Variants in KANSL1 observed in about 807,000 individuals in gnomAD.
KANSL1 encodes the protein MLL1/MLL complex subunit KANSL1.
In KANSL1, 22 loss-of-function variants were observed where a neutral mutation model predicts 103.6. That is an observed-to-expected ratio of 0.21 (90% CI 0.15 to 0.30). KANSL1 has a LOEUF of 0.30. Among genes scored for constraint, KANSL1 ranks in the 10% least tolerant of loss-of-function variants. The probability of loss-of-function intolerance (pLI) is 1.00; values close to 1 mark genes in which losing one functional copy is unlikely to be tolerated. For missense variants in KANSL1, 1,337 were observed against 1,399.8 expected (o/e 0.96, Z 0.72); for synonymous variants, 600 against 527.6 (o/e 1.14, Z -1.88).
intron 4 of KANSL1, among the ~76,000 whole-genome samples, chr17:46,080,616 A>T (rs62060850): frequency 0.14 from 21,759 of 152,152 alleles, 2,110 homozygotes; most frequent in Non-Finnish European, 0.22. Context: ...TGGCATTTTA[A>T]AAATTTAAGT....
At chr17:46,212,870 A>G (rs1229047538) in intron 1 of KANSL1, among the ~76,000 whole-genome samples, 3 of 152,228 alleles carry the variant, frequency 2.0e-5, no homozygotes, top group Non-Finnish European at 4.4e-5. Context: ...TGTAAATCTG[A>G]TAGGTTAAAA....
chr17:46,048,680 CCA>C (rs2077599141), intron 7 of KANSL1, among the ~76,000 whole-genome samples: 1 of 152,168 alleles, frequency 6.6e-6, no homozygotes, highest in Admixed American at 6.5e-5. Context: ...TGAAACCAAT[CCA>C]GATTATGAAA....
At chr17:46,189,937 G>A (rs574418356) in intron 1 of KANSL1, among the ~76,000 whole-genome samples, 84 of 147,972 alleles carry the variant, frequency 5.7e-4, no homozygotes, top group African/African-American at 2.1e-3. Flanking sequence ...TTGCTTGCCT[G>A]ATATAACAAG....
At chr17:46,165,064 G>A (rs975621556) in intron 2 of KANSL1, among the ~76,000 whole-genome samples, 6 of 152,152 alleles carry the variant, frequency 3.9e-5, no homozygotes, top group Non-Finnish European at 7.3e-5. Context: ...CTGACATCAC[G>A]CCACTGCACT....
At position 46,125,050 on chromosome 17, in the gene KANSL1, GGGAGGGA is replaced by G. The variant is rs1258394731; in HGVS notation, c.1290-30356_1290-30350del. Among the ~76,000 whole-genome samples, 22 of 71,026 alleles carry G rather than the reference GGGAGGGA, an allele frequency of 3.1e-4. 1 individual carries two copies. Among genetic ancestry groups the G allele is most frequent in the Non-Finnish European group, 5.1e-4 (17 of 33,346 alleles). 46.6% of individuals were successfully genotyped at this position (71,026 alleles called of 152,430 possible). A position where few individuals can be genotyped will look rare whatever the true frequency, so the allele number is the denominator to read the frequency against. On this transcript the variant is annotated intron_variant, in intron 2 of 14. Transcript: ENST00000432791. ...AGGGGAGGTAGGGAGGGAGGGAGGA[GGGAGGGA>G]GGAGGGAGGGAGGAGGGAGGGAGGG...
chr17:46,195,186 C>T (rs17663792), upstream of KANSL1, among the ~76,000 whole-genome samples: 21,956 of 152,148 alleles, frequency 0.14, 2,138 homozygotes, highest in Non-Finnish European at 0.22. Flanking sequence ...TCTGAGGCTC[C>T]TGAAATCTAA....
intron 1 of KANSL1, among the ~76,000 whole-genome samples, chr17:46,186,951 G>T (rs531517580): frequency 2.0e-5 from 3 of 151,986 alleles, no homozygotes; most frequent in East Asian, 1.9e-4. Context: ...AGCCAGGCTG[G>T]TCTCAAACTC....
At position 46,171,815 on chromosome 17, in the gene KANSL1, G is replaced by C. The variant is rs2046306000; in HGVS notation, c.329C>G (p.Ser110Cys). The stretch of plus-strand genomic sequence containing the variant: ...ATAGGACTGAGATAAGAGAGGATGA[G>C]ATTTAAGGACTGTCTGCTTGCTGAA... ...GVFSKQTVLKSHPLLSQSYEL... is the reference protein window; with the variant it reads ...GVFSKQTVLKCHPLLSQSYEL... Residue 110 changes from serine to cysteine, a missense_variant, in exon 2 of 15, where the codon TCT (serine) becomes TGT (cysteine). Around this residue, in one of 2 missense-constraint regions of KANSL1, gnomAD observed 557 missense variants for 476.4 expected, o/e 1.17. Transcript: ENST00000432791. 1 of 1,614,154 alleles carries C rather than the reference G, an allele frequency of 6.2e-7. No individual in the cohort carries two copies. Among genetic ancestry groups the C allele is most frequent in the Non-Finnish European group, 8.5e-7 (1 of 1,180,006 alleles).
In KANSL1 at chr17:46,082,451, G is replaced by T. The variant is rs375555532; in HGVS notation, c.1523C>A (p.Thr508Asn). The change falls in exon 4 of 15, where the codon ACT (threonine) becomes AAT (asparagine). Residue 508 changes from threonine to asparagine, a missense_variant. Thr to Asn is a moderately conservative substitution (Grantham distance 65). Transcript: ENST00000432791. Reference protein sequence around the residue: ...LSSEVKTDHGTDKLIESVSQP... With the variant: ...LSSEVKTDHGNDKLIESVSQP... ...ATCTTTTATACTTACCAATTTATCAGTCCCATGATCTGTCTTCACCTCAGA... is the reference window on the plus strand; with the variant it reads ...ATCTTTTATACTTACCAATTTATCATTCCCATGATCTGTCTTCACCTCAGA... The T allele has an allele frequency of 3.1e-6, 5 of 1,604,626 alleles. No individual in the cohort carries two copies. The African/African-American group carries it at 6.7e-5, about 21-fold the overall frequency.
At chr17:46,172,968 T>C (rs567593269) in intron 1 of KANSL1, among the ~76,000 whole-genome samples, 1 of 152,330 alleles carries the variant, frequency 6.6e-6, no homozygotes, top group African/African-American at 2.4e-5. Context: ...CTAAGAATAG[T>C]ATAAATAACT....
At chr17:46,032,965 G>A (rs1038007483) in intron 13 of KANSL1, 115 bp downstream of exon 13, 1 of 738,032 alleles carries the variant, frequency 1.4e-6, no homozygotes, top group African/African-American at 1.8e-5. Context: ...ACTGCCAGTA[G>A]ATGAGTATGA....
chr17:46,123,501 CA>C (rs1406523964), intron 2 of KANSL1, among the ~76,000 whole-genome samples: 7 of 152,176 alleles, frequency 4.6e-5, no homozygotes, highest in Non-Finnish European at 1.0e-4. Flanking sequence ...CTTGTAAATG[CA>C]AAAGTTCTTG....
At chr17:46,089,820 T>C (rs2079313555) in intron 3 of KANSL1, among the ~76,000 whole-genome samples, 1 of 152,218 alleles carries the variant, frequency 6.6e-6, no homozygotes. Flanking sequence ...AAATCGTGAA[T>C]GAGAGTAAAA....
At chr17:46,148,899 T>TAAAAA (rs202016754) in intron 2 of KANSL1, among the ~76,000 whole-genome samples, 14 of 138,874 alleles carry the variant, frequency 1.0e-4, no homozygotes, top group South Asian at 2.2e-4. Flanking sequence ...TGCTTACACT[T>TAAAAA]AAAAAAAAAA....
intron 4 of KANSL1, among the ~76,000 whole-genome samples, chr17:46,069,650 C>A (rs1205008991): frequency 6.6e-6 from 1 of 152,048 alleles, no homozygotes; most frequent in Non-Finnish European, 1.5e-5. Context: ...GAGGCTGAGG[C>A]ACAAGAATCA....
intron 1 of KANSL1, among the ~76,000 whole-genome samples, chr17:46,212,970 C>T (rs1473395365): frequency 2.0e-5 from 3 of 152,228 alleles, no homozygotes; most frequent in African/African-American, 4.8e-5. Context: ...GTATTTCTTC[C>T]TTATGAACTC....
At chr17:46,130,212 A>AAAAAAAAAAAAAAAAAAAG in intron 2 of KANSL1, among the ~76,000 whole-genome samples, 1 of 148,894 alleles carries the variant, frequency 6.7e-6, no homozygotes, top group Non-Finnish European at 1.5e-5. Flanking sequence ...AAAAAAAGGA[A>AAAAAAAAAAAAAAAAAAAG]TCAACTAGGG....
At chr17:46,111,536 C>T (rs1307596610) in intron 2 of KANSL1, among the ~76,000 whole-genome samples, 5 of 152,154 alleles carry the variant, frequency 3.3e-5, no homozygotes, top group Non-Finnish European at 7.3e-5. Flanking sequence ...GAAGACTCTG[C>T]CCAACCAATT....
At chr17:46,097,907 T>C (rs1213571150) in intron 2 of KANSL1, among the ~76,000 whole-genome samples, 1 of 149,768 alleles carries the variant, frequency 6.7e-6, no homozygotes, top group Non-Finnish European at 1.5e-5. Flanking sequence ...AGGGTAGTAA[T>C]GGTATTTTAA....
Sources: gnomAD v4.1 joint callset for allele counts (sites outside exome capture counted in the v4.1 genomes callset) on GRCh38, gnomAD v4.1.1 for gene constraint, gnomAD v4.1.1 regional missense constraint, MANE v1.5 for transcripts, NCBI Gene and HGNC (gene_info 2026-07-23, HGNC 2026-07-21) for gene names.